The following PPARA variants were observed in gnomAD, a reference collection of about 807,000 sequenced individuals.
PPARA encodes peroxisome proliferator-activated receptor alpha.
A neutral mutation model predicts 42.2 loss-of-function variants in PPARA; 22 were observed. That is an observed-to-expected ratio of 0.52 (90% confidence interval 0.37 to 0.74). The LOEUF (loss-of-function observed/expected upper bound fraction) is 0.74, where lower values mean the gene tolerates loss of function less well. Ranked by LOEUF, PPARA falls within the 30% of genes least tolerant of loss-of-function variation. The probability of loss-of-function intolerance (pLI) is 0.00; values close to 1 mark genes in which losing one functional copy is unlikely to be tolerated. For missense variants in PPARA, 465 were observed against 608.2 expected, an observed-to-expected ratio of 0.76 and a Z score of 2.48; for synonymous variants, 242 against 239.3, an observed-to-expected ratio of 1.01 and a Z score of -0.10.
intron 2 of PPARA, 133 bp from the exon 3 acceptor site, chr22:46,176,620 G>A (rs1929102660): frequency 6.6e-6 from 1 of 152,364 alleles, no homozygotes; most frequent in South Asian, 2.1e-4. Context: ...CTGTCTAGGT[G>A]AATGTTCCAT....
chr22:46,168,079 G>A (rs566678277), intron 2 of PPARA, among the ~76,000 whole-genome samples: 2 of 151,564 alleles, frequency 1.3e-5, no homozygotes, highest in Admixed American at 6.6e-5. Flanking sequence ...GCGACCGGGC[G>A]CAGTGGCTCA....
At chr22:46,175,054 G>C (rs1928816011) in intron 2 of PPARA, among the ~76,000 whole-genome samples, 1 of 151,922 alleles carries the variant, frequency 6.6e-6, no homozygotes, top group African/African-American at 2.4e-5. Context: ...TGGGTTCATA[G>C]GCGTGCACCA....
chr22:46,153,955 G>A (rs773507342), intron 2 of PPARA, among the ~76,000 whole-genome samples: 1 of 152,102 alleles, frequency 6.6e-6, no homozygotes, highest in Non-Finnish European at 1.5e-5. Flanking sequence ...TTGCTTTATC[G>A]AGTAGGTTAT....
chr22:46,190,212 TGGTC>T lies in PPARA; in HGVS notation c.-42-8129_-42-8126del, dbSNP rs1931360916. Among the ~76,000 whole-genome samples, 1 of 152,204 alleles carries T rather than the reference TGGTC, an allele frequency of 6.6e-6. No individual in the cohort carries two copies. Among genetic ancestry groups the T allele is most frequent in the African/African-American group, 2.4e-5 (1 of 41,456 alleles). On this transcript the variant is annotated intron_variant, in intron 3 of 8. Transcript: ENST00000407236. This position sits in a 1 kb window ranked among gnomAD's most constrained non-coding sequence, Gnocchi z 5.6. The stretch of plus-strand genomic sequence containing the variant: ...GGAAAGAGAAAAATCTGTCTTCTGA[TGGTC>T]ACCTGCCCCAGCAACACTACTCGTT...
chr22:46,166,566 C>T (rs758506374), intron 2 of PPARA, among the ~76,000 whole-genome samples: 8 of 148,968 alleles, frequency 5.4e-5, no homozygotes, highest in Non-Finnish European at 1.0e-4. Context: ...TGCAGTGAGC[C>T]GAGATCATGC....
rs1275673026 is a variant in PPARA, at chr22:46,187,211, G to A, written c.-43+10375G>A. 6.6e-6 allele frequency among the ~76,000 whole-genome samples: 1 copy of A among 152,202 alleles called. No homozygotes were observed. Among genetic ancestry groups the A allele is most frequent in the Admixed American group, 6.5e-5 (1 of 15,272 alleles). On this transcript the variant is annotated intron_variant, in intron 3 of 8. Transcript: ENST00000407236. The surrounding 1 kb of genome is among the most constrained non-coding windows in gnomAD (Gnocchi z 4.9). ...ATTGCTTCTCAGAAGAGGAGACCTG[G>A]CTTACAGAGGTCAAGCCTCAGGTAC...
At position 46,217,432 on chromosome 22, in the gene PPARA, T is replaced by G. The variant is rs200581526; in HGVS notation, c.370-831T>G. On this transcript the variant is annotated intron_variant, in intron 5 of 8. Coordinates refer to ENST00000407236, the MANE Select transcript of PPARA (RefSeq NM_005036.6). ...ATTATTCATTTAGTTTTGTTTTTTATGGACTATTTAGTAACATTGTTTCTT... is the reference window on the plus strand; with the variant it reads ...ATTATTCATTTAGTTTTGTTTTTTAGGGACTATTTAGTAACATTGTTTCTT... Among the ~76,000 whole-genome samples, 13 of 152,364 alleles carry G rather than the reference T, an allele frequency of 8.5e-5. No homozygotes were observed. In the East Asian group the frequency reaches 2.3e-3, roughly 27 times the overall value.
At chr22:46,170,234 CA>C (rs1334162091) in intron 2 of PPARA, among the ~76,000 whole-genome samples, 4 of 150,482 alleles carry the variant, frequency 2.7e-5, no homozygotes, top group Admixed American at 6.7e-5. Context: ...TTTTTGGTGG[CA>C]GGGGGGTGGG....
rs538725474 is a variant in PPARA, at chr22:46,234,346, T to G, written c.1160-787T>G. Among the ~76,000 whole-genome samples the G allele has an allele frequency of 3.9e-5, 6 of 152,254 alleles. No individual in the cohort carries two copies. The highest frequency in any genetic ancestry group is 3.9e-4 in the Admixed American group (6 of 15,280). On this transcript the variant is annotated intron_variant, in intron 8 of 8. Coordinates refer to ENST00000407236, the MANE Select transcript of PPARA (RefSeq NM_005036.6). The surrounding 1 kb of genome is among the most constrained non-coding windows in gnomAD (Gnocchi z 5.8). The stretch of plus-strand genomic sequence containing the variant: ...TTTAAATCCTCATCACTAGCAACCC[T>G]GTTAAGAATCATAGTAATGACTGGG...
chr22:46,176,257 G>T (rs772372944), intron 2 of PPARA: 6 of 152,212 alleles, frequency 3.9e-5, no homozygotes, highest in Non-Finnish European at 7.3e-5. Flanking sequence ...AGGCGAAGGC[G>T]GGCGGATCAC....
Position 46,160,525 on chromosome 22 carries a change from C to T in PPARA, c.-127+8555C>T, listed in dbSNP as rs141032608. ...GTTGGCCAGGCTGGTCTCAAACTCC[C>T]GGCCTCATGATCCGCCCTCTGCAGC... On this transcript the variant is annotated intron_variant, in intron 2 of 8. Coordinates refer to ENST00000407236, the MANE Select transcript of PPARA (RefSeq NM_005036.6). This position sits in a 1 kb window ranked among gnomAD's most constrained non-coding sequence, Gnocchi z 4.5. 3.1e-4 allele frequency among the ~76,000 whole-genome samples: 47 copies of T among 152,198 alleles called. No homozygotes were observed. In the East Asian group the frequency reaches 3.1e-3, roughly 10 times the overall value.
In PPARA at chr22:46,165,972, C is replaced by T. The variant is rs190849935; in HGVS notation, c.-126-10781C>T. 6.4e-4 allele frequency among the ~76,000 whole-genome samples: 98 copies of T among 152,148 alleles called. No homozygotes were observed. Among genetic ancestry groups the T allele is most frequent in the African/African-American group, 1.9e-3 (78 of 41,506 alleles). On this transcript the variant is annotated intron_variant, in intron 2 of 8. Coordinates refer to ENST00000407236, the MANE Select transcript of PPARA (RefSeq NM_005036.6). This position sits in a 1 kb window ranked among gnomAD's most constrained non-coding sequence, Gnocchi z 5.5. ...TTGAGTCTGGGAGTTGGAGACCGGC[C>T]TGGGCAACATAGAACCCCATCTCTA...
At position 46,198,489 on chromosome 22, in the gene PPARA, G is replaced by A; in HGVS notation, c.106G>A (p.Glu36Lys). 6.2e-7 allele frequency: 1 copy of A among 1,613,940 alleles called. No homozygotes were observed. The change falls in exon 4 of 9, where the codon GAG (glutamate) becomes AAG (lysine). Residue 36 changes from glutamate (E) to lysine (K), a missense_variant. Around this residue, in one of 2 missense-constraint regions of PPARA, gnomAD observed 152 missense variants for 139.1 expected, o/e 1.09. Coordinates refer to ENST00000407236, the MANE Select transcript of PPARA (RefSeq NM_005036.6). ...CCTGCAAGAAATGGGAAACATCCAA[G>A]AGATTTCGCAATCCATCGGCGAGGA... ...EFLQEMGNIQEISQSIGEDSS... is the reference protein window; with the variant it reads ...EFLQEMGNIQKISQSIGEDSS...
rs1187178061 is a variant in PPARA at position 46,171,913 on chromosome 22, G to A, written c.-126-4840G>A. On this transcript the variant is annotated intron_variant, in intron 2 of 8. Coordinates refer to ENST00000407236, the MANE Select transcript of PPARA (RefSeq NM_005036.6). The surrounding 1 kb of genome is among the most constrained non-coding windows in gnomAD (Gnocchi z 5.0). The stretch of plus-strand genomic sequence containing the variant: ...CCCCCTTGGGCAGCTTGCAGGGCCC[G>A]GGCAGAAGCTATAGGTGGTTCTGAG... Among the ~76,000 whole-genome samples the A allele has an allele frequency of 2.0e-5, 3 of 152,248 alleles. No homozygotes were observed. Among genetic ancestry groups the A allele is most frequent in the African/African-American group, 4.8e-5 (2 of 41,550 alleles).
rs534133431 is a variant in PPARA, at chr22:46,188,435, C to T, written c.-42-9907C>T. Reference sequence around the variant, plus strand: ...CCTTTAGGATTCATCTTGGGTGTCCCTTCCTGTATGTAGGCTCCCTGGCCC... The same window carrying T: ...CCTTTAGGATTCATCTTGGGTGTCCTTTCCTGTATGTAGGCTCCCTGGCCC... On this transcript the variant is annotated intron_variant, in intron 3 of 8. Transcript: ENST00000407236. The surrounding 1 kb of genome is among the most constrained non-coding windows in gnomAD (Gnocchi z 5.0). 2.0e-5 allele frequency among the ~76,000 whole-genome samples: 3 copies of T among 152,260 alleles called. No homozygotes were observed. In the East Asian group the frequency reaches 5.8e-4, roughly 29 times the overall value.
At chr22:46,174,236 G>A (rs1283394579) in intron 2 of PPARA, among the ~76,000 whole-genome samples, 22 of 139,738 alleles carry the variant, frequency 1.6e-4, no homozygotes, top group Non-Finnish European at 2.7e-4. Context: ...GAAAGAGAGA[G>A]AGAAAGAAAG....
rs1325295959 is a variant in PPARA at position 46,185,924 on chromosome 22, T to C, written c.-43+9088T>C. Among the ~76,000 whole-genome samples the C allele has an allele frequency of 2.9e-4, 4 of 13,960 alleles. 1 individual carries two copies. The South Asian group carries it at 8.3e-3, about 29-fold the overall frequency. The allele number at this position is 13,960 out of a possible 152,430, so 9.2% of individuals were successfully genotyped here. A position where few individuals can be genotyped will look rare whatever the true frequency, so the allele number is the denominator to read the frequency against. On this transcript the variant is annotated intron_variant, in intron 3 of 8. Transcript: ENST00000407236. ...AAAAAAAAAAAAAAAAAAATATATATATATATATATATATATATATATATA... is the reference window on the plus strand; with the variant it reads ...AAAAAAAAAAAAAAAAAAATATATACATATATATATATATATATATATATA...
rs1936390822 is a variant in PPARA at position 46,242,219 on chromosome 22, G to T, written c.*6839G>T. ...GAAAAGTGGTGACCGGGCGTGGGGGGGCATGCCGCAGCCCTGGGACACAGT... is the reference window on the plus strand; with the variant it reads ...GAAAAGTGGTGACCGGGCGTGGGGGTGCATGCCGCAGCCCTGGGACACAGT... On this transcript the variant is annotated 3_prime_UTR_variant, in exon 9 of 9. Coordinates refer to ENST00000407236, the MANE Select transcript of PPARA (RefSeq NM_005036.6). This position sits in a 1 kb window ranked among gnomAD's most constrained non-coding sequence, Gnocchi z 6.1. The T allele has an allele frequency of 6.6e-6, 1 of 152,416 alleles. No individual in the cohort carries two copies. Among genetic ancestry groups the T allele is most frequent in the Non-Finnish European group, 1.5e-5 (1 of 68,046 alleles). The allele number at this position is 152,416 out of a possible 1,614,324, so 9.4% of individuals were successfully genotyped here.
At position 46,161,765 on chromosome 22, in the gene PPARA, G is replaced by A. The variant is rs1453032226; in HGVS notation, c.-127+9795G>A. On this transcript the variant is annotated intron_variant, in intron 2 of 8. Coordinates refer to ENST00000407236, the MANE Select transcript of PPARA (RefSeq NM_005036.6). This position sits in a 1 kb window ranked among gnomAD's most constrained non-coding sequence, Gnocchi z 4.8. The stretch of plus-strand genomic sequence containing the variant: ...CCAGGTGAGCAGATGTGGACTTTCC[G>A]ACTGTGTGTGTGCGACTTCCTCAGA... Among the ~76,000 whole-genome samples the A allele has an allele frequency of 6.6e-6, 1 of 152,174 alleles. No individual in the cohort carries two copies. Among genetic ancestry groups the A allele is most frequent in the Non-Finnish European group, 1.5e-5 (1 of 68,038 alleles).
Sources: allele counts gnomAD v4.1 joint callset (sites outside exome capture counted in the v4.1 genomes callset), GRCh38; gene constraint gnomAD v4.1.1; regional missense constraint gnomAD v4.1.1; non-coding constraint Gnocchi (gnomAD v3.1); transcripts MANE v1.5; gene names NCBI Gene and HGNC (gene_info 2026-07-23, HGNC 2026-07-21).